KDM2B: variants seen among roughly 807,000 people sequenced by gnomAD.
KDM2B encodes lysine demethylase 2B.
KDM2B carries 26 observed loss-of-function variants against 150.0 expected under a neutral mutation model. The observed-to-expected ratio is 0.17, with a 90% CI of 0.13 to 0.24. The LOEUF (loss-of-function observed/expected upper bound fraction) is 0.24. Ranked by LOEUF, KDM2B falls within the 10% of genes least tolerant of loss-of-function variation. The pLI is 1.00. For synonymous variants in KDM2B, 734 were observed against 729.5 expected (o/e 1.01, Z -0.10); for missense variants, 1,265 against 1,816.9 (o/e 0.70, Z 5.52).
intron 10 of KDM2B, among the ~76,000 whole-genome samples, chr12:121,510,396 G>A (rs977255299): frequency 3.9e-5 from 6 of 151,962 alleles, no homozygotes; most frequent in Non-Finnish European, 5.9e-5. Context: ...CTGCTGGTGC[G>A]CCCACCACAC....
intron 12 of KDM2B, among the ~76,000 whole-genome samples, chr12:121,454,491 C>G (rs182626814): frequency 6.6e-6 from 1 of 152,284 alleles, no homozygotes; most frequent in Non-Finnish European, 1.5e-5. Context: ...CTCCTGCAGA[C>G]CCATGATCTA....
chr12:121,541,960 A>C (rs1380225942), intron 6 of KDM2B, among the ~76,000 whole-genome samples: 2 of 152,312 alleles, frequency 1.3e-5, no homozygotes, highest in South Asian at 2.1e-4. Flanking sequence ...GCTTTGAAAC[A>C]TGTCTACAAA....
At chr12:121,456,412 GGTGCCCT>G (rs1240169917) in intron 12 of KDM2B, among the ~76,000 whole-genome samples, 2 of 152,158 alleles carry the variant, frequency 1.3e-5, no homozygotes, top group Non-Finnish European at 2.9e-5. Flanking sequence ...CCAAACGACA[GGTGCCCT>G]GTTACCAGCT....
Position 121,467,312 on chromosome 12 carries a change from G to A in KDM2B, c.1735-13968C>T. The A allele has an allele frequency of 1.0e-6, 1 of 982,564 alleles. No homozygotes were observed. Among genetic ancestry groups the A allele is most frequent in the Non-Finnish European group, 1.2e-6 (1 of 828,926 alleles). The allele number at this position is 982,564 out of a possible 1,614,324, so 60.9% of individuals were successfully genotyped here. A position where few individuals can be genotyped will look rare whatever the true frequency, so the allele number is the denominator to read the frequency against. ...GCTCGGCTCGCCCTGGCTCGGGCTC[G>A]GGCTCGGGCTCGGGCTCCCGCTGCC... On this transcript the variant is annotated intron_variant, in intron 12 of 22. Transcript: ENST00000377071. This position sits in a 1 kb window ranked among gnomAD's most constrained non-coding sequence, Gnocchi z 5.1.
chr12:121,425,928 G>T (rs188793983), downstream of KDM2B, among the ~76,000 whole-genome samples: 3 of 151,894 alleles, frequency 2.0e-5, no homozygotes, highest in East Asian at 5.8e-4. Context: ...CACCACGCCC[G>T]GCTAATTTTT....
At chr12:121,530,737 C>T (rs533682537) in intron 8 of KDM2B, among the ~76,000 whole-genome samples, 2 of 152,128 alleles carry the variant, frequency 1.3e-5, no homozygotes, top group Non-Finnish European at 2.9e-5. Flanking sequence ...CACGCCCACA[C>T]CCCTGCTGCC....
chr12:121,427,319 C>G (rs1453102065), downstream of KDM2B, among the ~76,000 whole-genome samples: 1 of 152,152 alleles, frequency 6.6e-6, no homozygotes, highest in African/African-American at 2.4e-5. Context: ...CAGCAGATCA[C>G]CTGAGGTCAG....
rs1879347149 is a variant in KDM2B at position 121,463,172 on chromosome 12, A to G, written c.1735-9828T>C. ...TCTACTAAAAATACAAAAATTAGCC[A>G]GCCATGGTGGCGCACACCTGTAGTC... On this transcript the variant is annotated intron_variant, in intron 12 of 22. Transcript: ENST00000377071. Among the ~76,000 whole-genome samples the G allele has an allele frequency of 2.0e-5, 3 of 152,136 alleles. No individual in the cohort carries two copies. In the South Asian group the frequency reaches 6.2e-4, roughly 32 times the overall value.
chr12:121,548,798 A>C, intron 6 of KDM2B, 79 bp downstream of exon 6: 2 of 1,021,208 alleles, frequency 2.0e-6, no homozygotes, highest in Non-Finnish European at 3.1e-6. Flanking sequence ...GATGGCCAGG[A>C]GCCTCCTTCC....
At chr12:121,476,018 G>A (rs1456199986) in intron 12 of KDM2B, among the ~76,000 whole-genome samples, 2 of 151,660 alleles carry the variant, frequency 1.3e-5, no homozygotes, top group African/African-American at 4.8e-5. Context: ...AAAAATGCCC[G>A]GCACGGTGGC....
At chr12:121,566,169 A>G (rs527274697) in intron 4 of KDM2B, among the ~76,000 whole-genome samples, 30 of 152,178 alleles carry the variant, frequency 2.0e-4, no homozygotes, top group Non-Finnish European at 3.5e-4. Context: ...TAATGCAACA[A>G]GCAGAGCTAA....
intron 4 of KDM2B, among the ~76,000 whole-genome samples, chr12:121,554,033 CCACACA>C (rs56659514): frequency 0.028 from 3,381 of 122,094 alleles, 63 homozygotes; most frequent in East Asian, 0.067. Context: ...CACCCCAGCT[CCACACA>C]CACACACACA....
the KDM2B span, chr12:121,420,911 T>C: frequency 3.0e-6 from 2 of 664,064 alleles, no homozygotes; most frequent in South Asian, 3.8e-5. Context: ...ATCAGTTAGT[T>C]ACATGAGCCT....
chr12:121,478,652 C>A lies in KDM2B; in HGVS notation c.1734+15927G>T, dbSNP rs1167147173. Among the ~76,000 whole-genome samples the A allele has an allele frequency of 2.6e-5, 4 of 151,780 alleles. No homozygotes were observed. In the East Asian group the frequency reaches 7.8e-4, roughly 29 times the overall value. On this transcript the variant is annotated intron_variant, in intron 12 of 22. Transcript: ENST00000377071. ...GGGATTACAGGCGTGAGCCACTGCG[C>A]CCAGCTGACCCCAATTATTTATACT... is the stretch of plus-strand genomic sequence containing the variant.
intron 2 of KDM2B, among the ~76,000 whole-genome samples, chr12:121,577,227 C>G (rs782457244): frequency 6.6e-6 from 1 of 151,908 alleles, no homozygotes; most frequent in Non-Finnish European, 1.5e-5. Flanking sequence ...ACCCTAGGCA[C>G]CCCATCCCCC....
intron 4 of KDM2B, among the ~76,000 whole-genome samples, chr12:121,567,668 C>T (rs950639772): frequency 6.6e-6 from 1 of 151,186 alleles, no homozygotes; most frequent in Non-Finnish European, 1.5e-5. Context: ...ACTTTGATCT[C>T]GGATTCCTTG....
chr12:121,456,368 A>G (rs1439292887), intron 12 of KDM2B, among the ~76,000 whole-genome samples: 1 of 152,190 alleles, frequency 6.6e-6, no homozygotes, highest in Non-Finnish European at 1.5e-5. Flanking sequence ...CCCTGTCATC[A>G]CAGCCTACAA....
At chr12:121,480,313 A>G (rs1881949100) in intron 12 of KDM2B, among the ~76,000 whole-genome samples, 1 of 151,792 alleles carries the variant, frequency 6.6e-6, no homozygotes, top group Non-Finnish European at 1.5e-5. Context: ...CAGAAGTTGC[A>G]AGAACTAAAG....
chr12:121,484,207 A>G (rs572206094), intron 12 of KDM2B, among the ~76,000 whole-genome samples: 18 of 152,254 alleles, frequency 1.2e-4, no homozygotes, highest in Non-Finnish European at 2.2e-4. Context: ...GCAGCAGTCC[A>G]TAAGGAGGGT....
Sources: gnomAD v4.1 joint callset for allele counts (sites outside exome capture counted in the v4.1 genomes callset) on GRCh38, gnomAD v4.1.1 for gene constraint, Gnocchi (gnomAD v3.1) non-coding constraint, MANE v1.5 for transcripts, NCBI Gene and HGNC (gene_info 2026-07-23, HGNC 2026-07-21) for gene names.